AGBL1: variants seen among roughly 807,000 people sequenced by gnomAD.
The protein encoded by AGBL1 is AGBL carboxypeptidase 1.
A neutral mutation model predicts 118.9 loss-of-function variants in AGBL1; 130 were observed. That is an observed-to-expected ratio of 1.09 (90% CI 0.95 to 1.26). AGBL1 has a LOEUF of 1.26. Among genes scored for constraint, AGBL1 ranks in the 50% most tolerant of loss-of-function variants. AGBL1 has a pLI of 0.00. For missense variants in AGBL1, 1,584 were observed against 1,298.1 expected (o/e 1.22, Z -3.38); for synonymous variants, 555 against 478.9 (o/e 1.16, Z -2.08).
At chr15:86,969,210 T>G (rs2081083479) in intron 23 of AGBL1, among the ~76,000 whole-genome samples, 1 of 151,938 alleles carries the variant, frequency 6.6e-6, no homozygotes, top group Non-Finnish European at 1.5e-5. Flanking sequence ...AAGGTACAAC[T>G]CATTCTGAGA....
intron 17 of AGBL1, chr15:86,305,143 G>C (rs2079818362): frequency 6.6e-6 from 1 of 152,174 alleles, no homozygotes; most frequent in Admixed American, 6.6e-5. Context: ...TGTCCTGAGG[G>C]CTGGGTAATT....
At chr15:86,630,603 CTT>C (rs1351561313) in intron 21 of AGBL1, 2 of 152,260 alleles carry the variant, frequency 1.3e-5, no homozygotes, top group South Asian at 2.1e-4. Context: ...ATGAGCCACT[CTT>C]TGAGTTGTCT....
chr15:86,393,099 T>A (rs921617907), intron 17 of AGBL1, among the ~76,000 whole-genome samples: 1 of 152,190 alleles, frequency 6.6e-6, no homozygotes, highest in Non-Finnish European at 1.5e-5. Flanking sequence ...TAGAACTGGC[T>A]AAAATACTGC....
At chr15:86,649,978 A>T (rs1487406390) in intron 21 of AGBL1, among the ~76,000 whole-genome samples, 2 of 152,212 alleles carry the variant, frequency 1.3e-5, no homozygotes, top group Non-Finnish European at 2.9e-5. Flanking sequence ...CATATGTCTG[A>T]CAAGCATTAA....
intron 17 of AGBL1, among the ~76,000 whole-genome samples, chr15:86,339,405 A>G (rs2141878740): frequency 6.6e-6 from 1 of 152,208 alleles, no homozygotes; most frequent in Non-Finnish European, 1.5e-5. Flanking sequence ...GCAAGTTTTA[A>G]ACCATTATTT....
In AGBL1 at chr15:86,829,077, G is replaced by T. The variant is rs183670861; in HGVS notation, c.3159-78010G>T. Among the ~76,000 whole-genome samples the T allele has an allele frequency of 5.3e-4, 81 of 151,910 alleles. 1 individual carries two copies. The highest frequency in any genetic ancestry group is 1.9e-3 in the African/African-American group (78 of 41,442). ...AAATGGCAAATATTATTGATGTCCT[G>T]GTTATTACATGTTGCCAGAGAGTAG... On this transcript the variant is annotated intron_variant, in intron 22 of 22. Transcript: ENST00000614907.
intron 1 of AGBL1, among the ~76,000 whole-genome samples, chr15:86,084,724 G>C (rs1895518649): frequency 1.3e-5 from 2 of 152,172 alleles, no homozygotes. Flanking sequence ...GATTTGGTGT[G>C]GGGGTAAGGA....
At chr15:86,404,061 G>C (rs1414551225) in intron 18 of AGBL1, among the ~76,000 whole-genome samples, 1 of 152,108 alleles carries the variant, frequency 6.6e-6, no homozygotes, top group African/African-American at 2.4e-5. Flanking sequence ...GTTCATTTTG[G>C]TCTATCAGGT....
rs192172029 is a variant in AGBL1, at chr15:86,514,457, A to G, written c.2556-8353A>G. ...ATTTATAGCCAAAATTTTATTTTCT[A>G]AAGTTACTCAGTTCAGTTCTTTTCT... On this transcript the variant is annotated intron_variant, in intron 18 of 22. Coordinates refer to ENST00000614907, the MANE Select transcript of AGBL1 (RefSeq NM_001386094.1). Among the ~76,000 whole-genome samples, 10 of 152,234 alleles carry G rather than the reference A, an allele frequency of 6.6e-5. No individual in the cohort carries two copies. In the East Asian group the frequency reaches 9.6e-4, roughly 15 times the overall value.
intron 1 of AGBL1, among the ~76,000 whole-genome samples, chr15:86,118,794 T>A (rs1416548343): frequency 4.6e-5 from 7 of 151,950 alleles, no homozygotes; most frequent in Non-Finnish European, 1.0e-4. Context: ...AGCAGGCAAA[T>A]TTGTACTAAT....
intron 5 of AGBL1, among the ~76,000 whole-genome samples, chr15:86,173,948 A>C (rs2077448560): frequency 6.6e-6 from 1 of 151,996 alleles, no homozygotes; most frequent in Non-Finnish European, 1.5e-5. Context: ...TTTCATATGA[A>C]TTTTGGAGGT....
intron 11 of AGBL1, among the ~76,000 whole-genome samples, chr15:86,265,503 A>C (rs958386603): frequency 6.6e-6 from 1 of 152,234 alleles, no homozygotes; most frequent in African/African-American, 2.4e-5. Context: ...TTGAAAAAAA[A>C]CTGTATGCAC....
At chr15:86,571,351 C>A (rs2084003829) in intron 21 of AGBL1, among the ~76,000 whole-genome samples, 1 of 152,120 alleles carries the variant, frequency 6.6e-6, no homozygotes, top group Admixed American at 6.5e-5. Flanking sequence ...GTTTTGCATC[C>A]AGGAAGAATG....
Position 86,264,529 on chromosome 15 carries a change from A to C in AGBL1, c.1358A>C (p.Glu453Ala). The change falls in exon 11 of 23, where the codon GAA (glutamate) becomes GCA (alanine). Residue 453 changes from glutamate (E) to alanine (A), a missense_variant. Glu to Ala is a moderately radical substitution (Grantham distance 107). Coordinates refer to ENST00000614907, the MANE Select transcript of AGBL1 (RefSeq NM_001386094.1). ...QSNSLRRDSS[E>A]SEIPDIQASP... ...AATAGTCTCAGGAGAGATTCTTCTGAAAGTGAAATCCCTGACATTCAGGCT... is the reference window on the plus strand; with the variant it reads ...AATAGTCTCAGGAGAGATTCTTCTGCAAGTGAAATCCCTGACATTCAGGCT... 1.9e-6 allele frequency: 3 copies of C among 1,614,064 alleles called. No homozygotes were observed. The highest frequency in any genetic ancestry group is 2.5e-6 in the Non-Finnish European group (3 of 1,179,900).
chr15:86,827,470 CATATATATATATATGTGTGTATAT>C lies in AGBL1; in HGVS notation c.3159-79602_3159-79579del, dbSNP rs2079040343. 1.9e-3 allele frequency among the ~76,000 whole-genome samples: 11 copies of C among 5,820 alleles called. 2 individuals carry two copies. The highest frequency in any genetic ancestry group is 3.9e-3 in the African/African-American group (8 of 2,034). The allele number at this position is 5,820 out of a possible 152,430, so 3.8% of individuals were successfully genotyped here. ...GTGTGTATATATATATATATATATA[CATATATATATATATGTGTGTATAT>C]ATATATATATATATATATATATATA... On this transcript the variant is annotated intron_variant, in intron 22 of 22. Coordinates refer to ENST00000614907, the MANE Select transcript of AGBL1 (RefSeq NM_001386094.1).
chr15:86,357,611 T>C (rs2080741231), intron 17 of AGBL1, among the ~76,000 whole-genome samples: 1 of 152,174 alleles, frequency 6.6e-6, no homozygotes, highest in African/African-American at 2.4e-5. Flanking sequence ...CTCTTTTTCA[T>C]TTCCTGTCTG....
At chr15:86,694,881 T>C (rs1222763295) in intron 22 of AGBL1, among the ~76,000 whole-genome samples, 1 of 152,144 alleles carries the variant, frequency 6.6e-6, no homozygotes, top group Non-Finnish European at 1.5e-5. Flanking sequence ...ATTCTGTTTA[T>C]ATGGTGTATC....
chr15:86,966,755 T>G (rs1368735332), intron 23 of AGBL1, among the ~76,000 whole-genome samples: 2 of 152,138 alleles, frequency 1.3e-5, no homozygotes, highest in Non-Finnish European at 2.9e-5. Flanking sequence ...TTCCAAGTCT[T>G]TGCTATTGTG....
At chr15:86,906,914 C>T (rs1220314046) in intron 22 of AGBL1, among the ~76,000 whole-genome samples, 173 bp from the exon 23 acceptor site, 1 of 152,152 alleles carries the variant, frequency 6.6e-6, no homozygotes, top group African/African-American at 2.4e-5. Flanking sequence ...GAAACTTCCA[C>T]TCTCCTCTTC....
Sources: gnomAD v4.1 joint callset for allele counts (sites outside exome capture counted in the v4.1 genomes callset) on GRCh38, gnomAD v4.1.1 for gene constraint, MANE v1.5 for transcripts, NCBI Gene and HGNC (gene_info 2026-07-23, HGNC 2026-07-21) for gene names.